The following ATXN10 variants were observed in gnomAD, a reference collection of about 807,000 sequenced individuals.
ATXN10 encodes ataxin 10.
Under a neutral mutation model 52.9 loss-of-function variants are expected in ATXN10, and 28 were observed. The ratio of observed to expected loss-of-function variants is 0.53; its 90% CI spans 0.39 to 0.73. The LOEUF (loss-of-function observed/expected upper bound fraction) is 0.73, where lower values mean the gene tolerates loss of function less well. ATXN10 is among the 30% of genes least tolerant of loss of function. The pLI is 0.00. For synonymous variants in ATXN10, 226 were observed against 221.5 expected, an observed-to-expected ratio of 1.02 and a Z score of -0.18; for missense variants, 565 against 577.0, an observed-to-expected ratio of 0.98 and a Z score of 0.21.
intron 10 of ATXN10, among the ~76,000 whole-genome samples, chr22:45,821,539 G>A (rs1440355013): frequency 2.6e-5 from 4 of 152,136 alleles, no homozygotes; most frequent in African/African-American, 9.7e-5. Context: ...GCACATCATG[G>A]TGACATTTGT....
chr22:45,816,712 T>C lies in ATXN10; in HGVS notation c.1237+9690T>C, dbSNP rs564192282. On this transcript the variant is annotated intron_variant, in intron 10 of 11. Transcript: ENST00000252934. This position sits in a 1 kb window ranked among gnomAD's most constrained non-coding sequence, Gnocchi z 5.8. The stretch of plus-strand genomic sequence containing the variant: ...ATATACGGGAGAAGCCTTCTTTTAA[T>C]AAAATGTGAGAAAGCCTGTGTGAAG... Among the ~76,000 whole-genome samples, 55 of 152,346 alleles carry C rather than the reference T, an allele frequency of 3.6e-4. No individual in the cohort carries two copies. The highest frequency in any genetic ancestry group is 1.3e-3 in the African/African-American group (52 of 41,590).
At chr22:45,745,375 A>G (rs1253141662) in intron 9 of ATXN10, among the ~76,000 whole-genome samples, 2 of 152,190 alleles carry the variant, frequency 1.3e-5, no homozygotes, top group African/African-American at 4.8e-5. Flanking sequence ...TGTATTGACT[A>G]GGATGGGCCA....
chr22:45,674,040 G>A (rs1485267625), intron 1 of ATXN10: 1 of 152,148 alleles, frequency 6.6e-6, no homozygotes, highest in Non-Finnish European at 1.5e-5. Context: ...CAAGGGAGTG[G>A]CGCGATAAGA....
In ATXN10 at chr22:45,757,246, C is replaced by T. The variant is rs9614514; in HGVS notation, c.1173+16708C>T. ...TTCGAAGAGAGGGCGTGTCCTTTGC[C>T]TGTTGGAATTCCAACCCTGGCGACT... is the stretch of plus-strand genomic sequence containing the variant. On this transcript the variant is annotated intron_variant, in intron 9 of 11. Transcript: ENST00000252934. The surrounding 1 kb of genome is among the most constrained non-coding windows in gnomAD (Gnocchi z 4.6). 3.9e-5 allele frequency among the ~76,000 whole-genome samples: 6 copies of T among 152,208 alleles called. No homozygotes were observed. Among genetic ancestry groups the T allele is most frequent in the African/African-American group, 1.4e-4 (6 of 41,450 alleles).
At chr22:45,758,975 T>C (rs1283299504) in intron 9 of ATXN10, among the ~76,000 whole-genome samples, 1 of 152,250 alleles carries the variant, frequency 6.6e-6, no homozygotes, top group East Asian at 1.9e-4. Context: ...TTTAAATCTT[T>C]AGAGTTAACA....
intron 9 of ATXN10, chr22:45,793,585 C>G: frequency 1.5e-6 from 2 of 1,310,694 alleles, no homozygotes; most frequent in Non-Finnish European, 2.0e-6. Context: ...AATTCTGGAG[C>G]CTGCACCTTC....
rs1922993751 is a variant in ATXN10 at position 45,683,093 on chromosome 22, T to C, written c.117-6619T>C. 6.6e-6 allele frequency among the ~76,000 whole-genome samples: 1 copy of C among 152,092 alleles called. No homozygotes were observed. Among genetic ancestry groups the C allele is most frequent in the Non-Finnish European group, 1.5e-5 (1 of 68,006 alleles). ...CAGCACTTTGGGAGGCCAAGGCAGG[T>C]GGATCACCTGAGGCCAGGAGTTTGA... is the stretch of plus-strand genomic sequence containing the variant. On this transcript the variant is annotated intron_variant, in intron 1 of 11. Transcript: ENST00000252934. The surrounding 1 kb of genome is among the most constrained non-coding windows in gnomAD (Gnocchi z 4.8).
In ATXN10 at chr22:45,828,574, G is replaced by C. The variant is rs9626453; in HGVS notation, c.1238-14417G>C. On this transcript the variant is annotated intron_variant, in intron 10 of 11. Transcript: ENST00000252934. The surrounding 1 kb of genome is among the most constrained non-coding windows in gnomAD (Gnocchi z 4.5). ...AAATGAAAGTGGGGACATTACTACT[G>C]ATTCTACAGAAATAAAAAGGGTTGC... is the stretch of plus-strand genomic sequence containing the variant. 0.03 allele frequency among the ~76,000 whole-genome samples: 4,555 copies of C among 152,218 alleles called. 226 individuals carry two copies. The highest frequency in any genetic ancestry group is 0.1 in the African/African-American group (4,344 of 41,540).
In ATXN10 at chr22:45,787,527, G is replaced by A. The variant is rs975926108; in HGVS notation, c.1174-19432G>A. Among the ~76,000 whole-genome samples, 1 of 152,072 alleles carries A rather than the reference G, an allele frequency of 6.6e-6. No individual in the cohort carries two copies. The highest frequency in any genetic ancestry group is 1.5e-5 in the Non-Finnish European group (1 of 68,026). ...CTGGCATTTGCTTCTTTTGACCTTCGGTACTCAGTAGACTTACTGTATGGG... is the reference window on the plus strand; with the variant it reads ...CTGGCATTTGCTTCTTTTGACCTTCAGTACTCAGTAGACTTACTGTATGGG... On this transcript the variant is annotated intron_variant, in intron 9 of 11. Transcript: ENST00000252934. This position sits in a 1 kb window ranked among gnomAD's most constrained non-coding sequence, Gnocchi z 4.2.
Position 45,828,730 on chromosome 22 carries a change from T to C in ATXN10, c.1238-14261T>C, listed in dbSNP as rs368573713. ...TTATAGTAAGTACTATAGTAAGTAC[T>C]ATAAGTTACTAGTTATAGTAAGACA... On this transcript the variant is annotated intron_variant, in intron 10 of 11. Coordinates refer to ENST00000252934, the MANE Select transcript of ATXN10 (RefSeq NM_013236.4). This position sits in a 1 kb window ranked among gnomAD's most constrained non-coding sequence, Gnocchi z 4.5. Among the ~76,000 whole-genome samples the C allele has an allele frequency of 7.2e-5, 11 of 152,336 alleles. No individual in the cohort carries two copies. The South Asian group carries it at 2.3e-3, about 32-fold the overall frequency.
intron 1 of ATXN10, among the ~76,000 whole-genome samples, chr22:45,686,276 A>G (rs921781465): frequency 3.9e-5 from 6 of 152,186 alleles, no homozygotes; most frequent in Non-Finnish European, 7.3e-5. Flanking sequence ...CAGTCTCATC[A>G]CTGTTTAAAA....
At position 45,702,827 on chromosome 22, in the gene ATXN10, A is replaced by G. The variant is rs577007698; in HGVS notation, c.627A>G (p.Lys209=). Residue 209 remains lysine, a synonymous_variant, in exon 5 of 12, where the codon AAA becomes AAG. Transcript: ENST00000252934. The part of the protein sequence containing the change: ...IAIDVIDAYQ[K]HPESEWPFLI... ...TTGATGTCATAGATGCTTACCAAAA[A>G]CATCCTGAATCAGAATGGCCGTAAG... 1 of 1,613,900 alleles carries G rather than the reference A, an allele frequency of 6.2e-7. No individual in the cohort carries two copies. Among genetic ancestry groups the G allele is most frequent in the African/African-American group, 1.3e-5 (1 of 75,042 alleles).
chr22:45,838,242 C>T (rs748253448), intron 10 of ATXN10, among the ~76,000 whole-genome samples: 9 of 152,198 alleles, frequency 5.9e-5, no homozygotes, highest in Admixed American at 1.3e-4. Context: ...TGGTACAAGG[C>T]CACCCAGTTT....
intron 10 of ATXN10, among the ~76,000 whole-genome samples, chr22:45,830,080 A>G (rs1158165421): frequency 6.6e-6 from 1 of 152,244 alleles, no homozygotes; most frequent in Non-Finnish European, 1.5e-5. Flanking sequence ...ATGTAGTCAA[A>G]TGATTGCTGA....
At chr22:45,802,044 G>C (rs136014) in intron 9 of ATXN10, among the ~76,000 whole-genome samples, 1 of 152,214 alleles carries the variant, frequency 6.6e-6, no homozygotes, top group African/African-American at 2.4e-5. Flanking sequence ...TTGGTTATTA[G>C]AGTTGGGCCT....
chr22:45,814,663 C>G lies in ATXN10; in HGVS notation c.1237+7641C>G, dbSNP rs561981105. ...ATACATGTTTATTAGAAGAGGAGTC[C>G]TCATCCCCTCAGCCGCAGACCTGGT... is the stretch of plus-strand genomic sequence containing the variant. On this transcript the variant is annotated intron_variant, in intron 10 of 11. Transcript: ENST00000252934. 9.2e-5 allele frequency among the ~76,000 whole-genome samples: 14 copies of G among 152,314 alleles called. No individual in the cohort carries two copies. The South Asian group carries it at 1.0e-3, about 11-fold the overall frequency.
chr22:45,724,486 A>C (rs1436263927), intron 6 of ATXN10, among the ~76,000 whole-genome samples: 2 of 152,190 alleles, frequency 1.3e-5, no homozygotes, highest in Admixed American at 1.3e-4. Flanking sequence ...ATGTCTATTC[A>C]TGTCATTTGC....
intron 9 of ATXN10, among the ~76,000 whole-genome samples, chr22:45,746,998 C>T (rs1416046839): frequency 6.6e-6 from 1 of 152,214 alleles, no homozygotes; most frequent in East Asian, 1.9e-4. Flanking sequence ...TTTACTGTAG[C>T]AGCCTCCATC....
intron 9 of ATXN10, among the ~76,000 whole-genome samples, chr22:45,742,478 A>G (rs1416203791): frequency 2.0e-5 from 3 of 152,136 alleles, no homozygotes; most frequent in South Asian, 2.1e-4. Flanking sequence ...AATAGAAACT[A>G]TAAAAAAGAA....
Sources: allele counts gnomAD v4.1 joint callset (sites outside exome capture counted in the v4.1 genomes callset), GRCh38; gene constraint gnomAD v4.1.1; non-coding constraint Gnocchi (gnomAD v3.1); transcripts MANE v1.5; gene names NCBI Gene and HGNC (gene_info 2026-07-23, HGNC 2026-07-21).